The following SLC9C1 variants were observed in gnomAD, a reference collection of about 807,000 sequenced individuals.
SLC9C1 encodes solute carrier family 9 member C1, also known as sodium/hydrogen exchanger 10.
Under a neutral mutation model 140.9 loss-of-function variants are expected in SLC9C1, and 97 were observed. The observed-to-expected ratio is 0.69, with a 90% CI of 0.58 to 0.82. The LOEUF (loss-of-function observed/expected upper bound fraction) is 0.82. Among genes scored for constraint, SLC9C1 ranks in the 40% least tolerant of loss-of-function variants. The pLI is 0.00. For synonymous variants in SLC9C1, 440 were observed against 442.6 expected, an observed-to-expected ratio of 0.99 and a Z score of 0.07; for missense variants, 1,340 against 1,389.3, an observed-to-expected ratio of 0.96 and a Z score of 0.56.
intron 23 of SLC9C1, among the ~76,000 whole-genome samples, chr3:112,172,438 T>G (rs964274061): frequency 6.6e-6 from 1 of 152,178 alleles, no homozygotes; most frequent in Non-Finnish European, 1.5e-5. Flanking sequence ...AAATTCATTA[T>G]AAATTCTAGT....
chr3:112,207,056 C>G (rs991906394), intron 16 of SLC9C1, among the ~76,000 whole-genome samples: 1 of 152,076 alleles, frequency 6.6e-6, no homozygotes, highest in African/African-American at 2.4e-5. Context: ...AATGATCATA[C>G]TAATTTGAAA....
intron 20 of SLC9C1, among the ~76,000 whole-genome samples, chr3:112,190,072 C>A (rs1342687603): frequency 2.6e-5 from 4 of 152,054 alleles, no homozygotes; most frequent in African/African-American, 9.7e-5. Flanking sequence ...GTGATTTTTG[C>A]ACATTGGTTT....
chr3:112,183,670 T>TG (rs1301636520), intron 20 of SLC9C1, among the ~76,000 whole-genome samples: 1 of 118,946 alleles, frequency 8.4e-6, no homozygotes, highest in Non-Finnish European at 1.7e-5. Flanking sequence ...TATTCACGCA[T>TG]GGGGGGCAGA....
intron 15 of SLC9C1, among the ~76,000 whole-genome samples, chr3:112,213,800 G>A (rs527557332): frequency 4.6e-5 from 7 of 152,094 alleles, no homozygotes; most frequent in Non-Finnish European, 7.4e-5. Flanking sequence ...ACAGAACAAC[G>A]AGACAGAAAG....
chr3:112,232,419 G>A (rs1017788516), intron 12 of SLC9C1, among the ~76,000 whole-genome samples: 13 of 152,132 alleles, frequency 8.5e-5, no homozygotes, highest in Non-Finnish European at 1.2e-4. Context: ...TCACAATCAG[G>A]TATTGGAAGC....
intron 13 of SLC9C1, among the ~76,000 whole-genome samples, chr3:112,228,578 C>G (rs1451501293): frequency 6.6e-6 from 1 of 152,020 alleles, no homozygotes; most frequent in Non-Finnish European, 1.5e-5. Flanking sequence ...AGGAAGCAAT[C>G]AATAGAATAA....
chr3:112,275,061 T>C (rs1387023311), intron 5 of SLC9C1, 36 bp from the exon 6 acceptor site: 1 of 1,528,080 alleles, frequency 6.5e-7, no homozygotes, highest in Non-Finnish European at 8.7e-7. Context: ...TTTTTTAAAG[T>C]GAGAAAAACA....
intron 10 of SLC9C1, among the ~76,000 whole-genome samples, chr3:112,244,767 C>G (rs937336817): frequency 6.6e-6 from 1 of 152,180 alleles, no homozygotes; most frequent in Non-Finnish European, 1.5e-5. Flanking sequence ...GTCTTCTGTT[C>G]TGTATCCACA....
intron 26 of SLC9C1, among the ~76,000 whole-genome samples, chr3:112,156,966 G>A (rs544451501): frequency 3.3e-5 from 5 of 152,016 alleles, no homozygotes; most frequent in Non-Finnish European, 7.4e-5. Flanking sequence ...CTGTTATTCT[G>A]TAGGTTGTCT....
Position 112,289,386 on chromosome 3 carries a change from A to C in SLC9C1, c.-87-2508T>G, listed in dbSNP as rs78372777. Among the ~76,000 whole-genome samples the C allele has an allele frequency of 8.2e-3, 1,245 of 152,328 alleles. 17 individuals are homozygous for C. Among genetic ancestry groups the C allele is most frequent in the African/African-American group, 0.028 (1,177 of 41,574 alleles). On this transcript the variant is annotated intron_variant, in intron 1 of 28. Coordinates refer to ENST00000305815, the MANE Select transcript of SLC9C1 (RefSeq NM_183061.3). ...CACTTTAGGTAAGGTGCTGTCAGAA[A>C]GTGAGGACAATTCCGTGATTGAGTA...
At chr3:112,285,178 G>A (rs1388178108) in intron 2 of SLC9C1, among the ~76,000 whole-genome samples, 1 of 151,866 alleles carries the variant, frequency 6.6e-6, no homozygotes, top group South Asian at 2.1e-4. Flanking sequence ...AGTAGAAACA[G>A]TGTTTCACCA....
chr3:112,162,965 T>G (rs2075352084), intron 26 of SLC9C1, among the ~76,000 whole-genome samples: 2 of 132,838 alleles, frequency 1.5e-5, no homozygotes, highest in African/African-American at 5.8e-5. Flanking sequence ...TATTGGTCTA[T>G]TCAGAGATTC....
intron 12 of SLC9C1, among the ~76,000 whole-genome samples, chr3:112,232,512 T>A (rs2078855868): frequency 6.6e-6 from 1 of 152,170 alleles, no homozygotes; most frequent in African/African-American, 2.4e-5. Context: ...AAGTGTCAGT[T>A]CTAAATTCCT....
intron 26 of SLC9C1, among the ~76,000 whole-genome samples, chr3:112,165,207 A>G (rs934578092): frequency 1.3e-5 from 2 of 152,000 alleles, no homozygotes; most frequent in African/African-American, 2.4e-5. Context: ...CTTCTTTGCC[A>G]TGGGTTCGAA....
chr3:112,148,709 G>A (rs2074874319), intron 28 of SLC9C1, among the ~76,000 whole-genome samples: 1 of 152,166 alleles, frequency 6.6e-6, no homozygotes, highest in Non-Finnish European at 1.5e-5. Flanking sequence ...TAGGCAATGG[G>A]CTAATTCCTA....
chr3:112,183,344 C>CTTT (rs1159788975), intron 20 of SLC9C1, among the ~76,000 whole-genome samples: 11 of 20,966 alleles, frequency 5.2e-4, no homozygotes, highest in Non-Finnish European at 5.7e-4. Flanking sequence ...TATTTAGCAC[C>CTTT]TTTTCTTTTT....
intron 10 of SLC9C1, among the ~76,000 whole-genome samples, chr3:112,260,191 C>A (rs2079733311): frequency 1.3e-5 from 2 of 152,040 alleles, no homozygotes; most frequent in South Asian, 4.1e-4. Context: ...TAGAACATAT[C>A]AACTTAGAAC....
In SLC9C1 at chr3:112,217,425, G is replaced by A. The variant is rs1268139460; in HGVS notation, c.1790+17C>T. On this transcript the variant is annotated intron_variant, in intron 15 of 28. Coordinates refer to ENST00000305815, the MANE Select transcript of SLC9C1 (RefSeq NM_183061.3). ...GTGAATATAATAGCATTTCTTATAA[G>A]GTTCAAAAGCACTTACTTTGATGGG... is the stretch of plus-strand genomic sequence containing the variant. The A allele has an allele frequency of 1.3e-6, 2 of 1,561,392 alleles. No individual in the cohort carries two copies. Among genetic ancestry groups the A allele is most frequent in the Admixed American group, 4.4e-5 (2 of 45,720 alleles).
chr3:112,176,177 A>C (rs1185486962), intron 23 of SLC9C1, among the ~76,000 whole-genome samples: 1 of 152,144 alleles, frequency 6.6e-6, no homozygotes, highest in East Asian at 1.9e-4. Context: ...GGAGGGTTGC[A>C]AAGATCCATG....
Sources: allele counts gnomAD v4.1 joint callset (sites outside exome capture counted in the v4.1 genomes callset), GRCh38; gene constraint gnomAD v4.1.1; transcripts MANE v1.5; gene names NCBI Gene and HGNC (gene_info 2026-07-23, HGNC 2026-07-21).